SMCHD1: variants seen among roughly 807,000 people sequenced by gnomAD.
SMCHD1 encodes the protein structural maintenance of chromosomes flexible hinge domain containing 1, also known as structural maintenance of chromosomes flexible hinge domain-containing protein 1.
In SMCHD1, 78 loss-of-function variants were observed where a neutral mutation model predicts 254.7. The ratio of observed to expected loss-of-function variants is 0.31; its 90% CI spans 0.26 to 0.37. The LOEUF (loss-of-function observed/expected upper bound fraction) is 0.37, where lower values mean the gene tolerates loss of function less well. Ranked by LOEUF, SMCHD1 falls within the 10% of genes least tolerant of loss-of-function variation. SMCHD1 has a pLI of 1.00. For missense variants in SMCHD1, 1,840 were observed against 2,408.1 expected (o/e 0.76, Z 4.94); for synonymous variants, 766 against 794.9 (o/e 0.96, Z 0.61).
chr18:2,732,503 C>A lies in SMCHD1; in HGVS notation c.3276+11C>A. The A allele has an allele frequency of 6.6e-7, 1 of 1,513,474 alleles. No individual in the cohort carries two copies. The highest frequency in any genetic ancestry group is 9.0e-7 in the Non-Finnish European group (1 of 1,105,180). 93.8% of individuals were successfully genotyped at this position (1,513,474 alleles called of 1,614,324 possible). On this transcript the variant is annotated intron_variant, in intron 25 of 47. Coordinates refer to ENST00000320876, the MANE Select transcript of SMCHD1 (RefSeq NM_015295.3). ...GCAGAAAAAATTAAAGTAAGTATCT[C>A]TAACAGATTGGTTATTTGTAAGAAC...
intron 40 of SMCHD1, 77 bp from the exon 41 acceptor site, chr18:2,772,173 T>G (rs1220155217): frequency 8.9e-6 from 11 of 1,236,692 alleles, no homozygotes; most frequent in Non-Finnish European, 1.1e-5. Flanking sequence ...AATTGTTAAT[T>G]TTTCTCCACT....
At chr18:2,791,332 A>G (rs948604396) in intron 45 of SMCHD1, among the ~76,000 whole-genome samples, 8 of 152,188 alleles carry the variant, frequency 5.3e-5, no homozygotes, top group African/African-American at 1.9e-4. Flanking sequence ...GCTCACGCCT[A>G]TAATCCCAGC....
chr18:2,659,112 GTTAC>G (rs1198649480), intron 1 of SMCHD1, among the ~76,000 whole-genome samples: 1 of 152,038 alleles, frequency 6.6e-6, no homozygotes, highest in Non-Finnish European at 1.5e-5. Flanking sequence ...ATCCTAAACT[GTTAC>G]TTATTTATTT....
chr18:2,774,775 G>A (rs1253672924), intron 41 of SMCHD1, among the ~76,000 whole-genome samples: 1 of 152,200 alleles, frequency 6.6e-6, no homozygotes, highest in Non-Finnish European at 1.5e-5. Context: ...ACCAGATCAA[G>A]TAAGATTAAA....
At position 2,732,437 on chromosome 18, in the gene SMCHD1, A is replaced by G. The variant is rs2075159924; in HGVS notation, c.3221A>G (p.Tyr1074Cys). 1.2e-6 allele frequency: 2 copies of G among 1,612,036 alleles called. No individual in the cohort carries two copies. The highest frequency in any genetic ancestry group is 2.2e-5 in the South Asian group (2 of 91,004). The change falls in exon 25 of 48, where the codon TAT (tyrosine) becomes TGT (cysteine). Residue 1074 changes from tyrosine (Y) to cysteine (C), a missense_variant. Physicochemically the swap from Tyr to Cys is radical, Grantham distance 194 (BLOSUM62 -2). This residue lies in a region of SMCHD1 where 881 missense variants were observed against 1,009.5 expected (regional missense o/e 0.87). Coordinates refer to ENST00000320876, the MANE Select transcript of SMCHD1 (RefSeq NM_015295.3). ...DIMHNLIFQMYDEGEREINIT... is the reference protein window; with the variant it reads ...DIMHNLIFQMCDEGEREINIT... The stretch of plus-strand genomic sequence containing the variant: ...ATGCATAATCTTATTTTTCAAATGT[A>G]TGATGAAGGAGAAAGAGAAATCAAT...
chr18:2,677,102 G>A (rs2073769295), intron 5 of SMCHD1, among the ~76,000 whole-genome samples: 1 of 151,906 alleles, frequency 6.6e-6, no homozygotes, highest in Admixed American at 6.6e-5. Flanking sequence ...CTGGATCTGA[G>A]TGTTTCCTCA....
At chr18:2,784,837 A>G in intron 45 of SMCHD1, 2 of 571,512 alleles carry the variant, frequency 3.5e-6, no homozygotes, top group South Asian at 1.5e-5. Context: ...TTTCATTCTT[A>G]TATGTAGTGC....
In SMCHD1 at chr18:2,713,728, T is replaced by C. The variant is rs146079604; in HGVS notation, c.2261-4430T>C. 3.3e-4 allele frequency among the ~76,000 whole-genome samples: 50 copies of C among 152,326 alleles called. No homozygotes were observed. In the East Asian group the frequency reaches 7.5e-3, roughly 23 times the overall value. ...TAAATTTTCATATCAATTTTATCATTGACATAAAGATTATTTAAGAGTAAG... is the reference window on the plus strand; with the variant it reads ...TAAATTTTCATATCAATTTTATCATCGACATAAAGATTATTTAAGAGTAAG... On this transcript the variant is annotated intron_variant, in intron 17 of 47. Coordinates refer to ENST00000320876, the MANE Select transcript of SMCHD1 (RefSeq NM_015295.3).
At chr18:2,743,119 G>T (rs193013729) in intron 28 of SMCHD1, among the ~76,000 whole-genome samples, 3 of 152,262 alleles carry the variant, frequency 2.0e-5, no homozygotes, top group African/African-American at 7.2e-5. Flanking sequence ...CAGCACTCAC[G>T]CCAGTGTGGA....
chr18:2,799,041 AATG>A (rs1325151822), intron 47 of SMCHD1, among the ~76,000 whole-genome samples: 3 of 152,200 alleles, frequency 2.0e-5, no homozygotes, highest in East Asian at 1.9e-4. Flanking sequence ...TTAGTAGTAT[AATG>A]ATCATCGGTC....
chr18:2,788,517 A>T (rs1454611089), intron 45 of SMCHD1, among the ~76,000 whole-genome samples: 2 of 152,200 alleles, frequency 1.3e-5, no homozygotes, highest in Non-Finnish European at 2.9e-5. Context: ...ATCCCTTTCT[A>T]TATATTTTTC....
At chr18:2,741,556 A>G (rs1053131551) in intron 28 of SMCHD1, among the ~76,000 whole-genome samples, 1 of 152,214 alleles carries the variant, frequency 6.6e-6, no homozygotes, top group Non-Finnish European at 1.5e-5. Context: ...TTCTGTCTCC[A>G]GTAATCTGTT....
At position 2,718,159 on chromosome 18, in the gene SMCHD1, T is replaced by A. The variant is rs1217758681; in HGVS notation, c.2262T>A (p.Ser754=). ...TTGTTTCTTTTTTCTTTTATTAAGC[T>A]TCAAGTGGAAATAAAGAGATTATTT... ...LLVELKVILH[S]SSGNKEIISH... Residue 754 remains serine (S), a splice_region_variant and synonymous_variant, in exon 18 of 48, where the codon TCT becomes TCA. Transcript: ENST00000320876. The surrounding 1 kb of genome is among the most constrained non-coding windows in gnomAD (Gnocchi z 4.6). 6.2e-7 allele frequency: 1 copy of A among 1,605,498 alleles called. No homozygotes were observed. Among genetic ancestry groups the A allele is most frequent in the East Asian group, 2.2e-5 (1 of 44,704 alleles).
At chr18:2,656,769 A>T (rs2073074945) in intron 1 of SMCHD1, among the ~76,000 whole-genome samples, 2 of 151,984 alleles carry the variant, frequency 1.3e-5, no homozygotes, top group Admixed American at 6.5e-5. Context: ...TGCCCTGTCG[A>T]GGTTGCAGGT....
chr18:2,746,762 GT>G (rs1369689629), intron 29 of SMCHD1, among the ~76,000 whole-genome samples: 3 of 152,098 alleles, frequency 2.0e-5, no homozygotes, highest in African/African-American at 7.2e-5. Flanking sequence ...TTGTCCTTTA[GT>G]TCCCTTCCAT....
At chr18:2,671,229 C>T (rs2073590204) in intron 3 of SMCHD1, among the ~76,000 whole-genome samples, 1 of 152,082 alleles carries the variant, frequency 6.6e-6, no homozygotes, top group African/African-American at 2.4e-5. Context: ...AGCCACTGCA[C>T]CTGGCCCATG....
chr18:2,704,268 C>T (rs1156755308), intron 13 of SMCHD1, among the ~76,000 whole-genome samples: 4 of 152,048 alleles, frequency 2.6e-5, no homozygotes, highest in African/African-American at 9.7e-5. Context: ...TTGCCAGAGG[C>T]TCAATTAACA....
intron 25 of SMCHD1, among the ~76,000 whole-genome samples, chr18:2,735,683 A>G (rs2075235269): frequency 6.6e-6 from 1 of 152,192 alleles, no homozygotes; most frequent in Admixed American, 6.5e-5. Context: ...TAGCCACAAA[A>G]AACACAAAAT....
At chr18:2,719,847 G>T (rs907431239) in intron 19 of SMCHD1, among the ~76,000 whole-genome samples, 1 of 151,856 alleles carries the variant, frequency 6.6e-6, no homozygotes, top group Non-Finnish European at 1.5e-5. Flanking sequence ...GGCTAATTTT[G>T]TATTTTCAGT....
Sources: allele counts gnomAD v4.1 joint callset (sites outside exome capture counted in the v4.1 genomes callset), GRCh38; gene constraint gnomAD v4.1.1; regional missense constraint gnomAD v4.1.1; non-coding constraint Gnocchi (gnomAD v3.1); transcripts MANE v1.5; gene names NCBI Gene and HGNC (gene_info 2026-07-23, HGNC 2026-07-21).